ARPP21: variants seen among roughly 807,000 people sequenced by gnomAD.
ARPP21 encodes the protein cAMP regulated phosphoprotein 21.
Under a neutral mutation model 113.2 loss-of-function variants are expected in ARPP21, and 69 were observed. The observed-to-expected ratio is 0.61, with a 90% CI of 0.50 to 0.74. The LOEUF (loss-of-function observed/expected upper bound fraction) is 0.74, where lower values mean the gene tolerates loss of function less well. Among genes scored for constraint, ARPP21 ranks in the 30% least tolerant of loss-of-function variants. ARPP21 has a pLI of 0.00. For synonymous variants in ARPP21, 368 were observed against 375.5 expected, an observed-to-expected ratio of 0.98 and a Z score of 0.23; for missense variants, 1,070 against 1,037.4, an observed-to-expected ratio of 1.03 and a Z score of -0.43.
chr3:35,774,598 G>A (rs2096298539), intron 19 of ARPP21, among the ~76,000 whole-genome samples: 1 of 152,168 alleles, frequency 6.6e-6, no homozygotes. Context: ...TAAAGAATGA[G>A]TTACTCATCT....
chr3:35,648,844 CTATT>C (rs1313485249), intron 1 of ARPP21, among the ~76,000 whole-genome samples: 1 of 152,128 alleles, frequency 6.6e-6, no homozygotes, highest in Non-Finnish European at 1.5e-5. Context: ...GCCTAATCAA[CTATT>C]TATCCAATAA....
intron 1 of ARPP21, among the ~76,000 whole-genome samples, chr3:35,674,452 TG>T (rs778200882): frequency 5.3e-5 from 8 of 151,970 alleles, no homozygotes; most frequent in Admixed American, 1.3e-4. Context: ...ATTAAGGAGA[TG>T]TTTTTTTTTG....
rs999449834 is a variant in ARPP21, at chr3:35,685,251, A to G, written c.261+1436A>G. 7 of 985,172 alleles carry G rather than the reference A, an allele frequency of 7.1e-6. No individual in the cohort carries two copies. The African/African-American group carries it at 1.2e-4, about 17-fold the overall frequency. The allele number at this position is 985,172 out of a possible 1,614,324, so 61.0% of individuals were successfully genotyped here. ...CTCTGGACCTAAGTCTAGTGTATCC[A>G]TACAATTGGTGCAGAGAAATAAGGT... On this transcript the variant is annotated intron_variant, in intron 5 of 20. Coordinates refer to ENST00000684406, the MANE Select transcript of ARPP21 (RefSeq NM_001385562.1).
intron 14 of ARPP21, 86 bp downstream of exon 14, chr3:35,721,920 G>A: frequency 1.3e-6 from 1 of 791,892 alleles, no homozygotes; most frequent in East Asian, 2.7e-5. Flanking sequence ...CTGACTTTCA[G>A]TTGACTGATA....
intron 19 of ARPP21, 101 bp downstream of exon 19, chr3:35,744,066 G>C: frequency 2.4e-6 from 3 of 1,264,726 alleles, no homozygotes; most frequent in Non-Finnish European, 3.4e-6. Flanking sequence ...ATTTAAACCA[G>C]CACATTTTCT....
chr3:35,699,392 G>A (rs922473153), intron 9 of ARPP21, among the ~76,000 whole-genome samples: 10 of 151,548 alleles, frequency 6.6e-5, no homozygotes, highest in Admixed American at 2.6e-4. Context: ...ACTTTGGGAA[G>A]TTTTAGAGAA....
intron 9 of ARPP21, among the ~76,000 whole-genome samples, chr3:35,697,723 G>A (rs1207191753): frequency 2.0e-5 from 3 of 151,654 alleles, no homozygotes. Context: ...AGAGGCTAAA[G>A]CTGAAAATGG....
chr3:35,793,908 A>C lies in ARPP21; in HGVS notation c.2494A>C (p.Arg832=). 1 of 1,614,170 alleles carries C rather than the reference A, an allele frequency of 6.2e-7. No homozygotes were observed. Among genetic ancestry groups the C allele is most frequent in the Non-Finnish European group, 8.5e-7 (1 of 1,179,992 alleles). Residue 832 remains arginine (R), a synonymous_variant, in exon 21 of 21, where the codon AGA becomes CGA. Transcript: ENST00000684406. ...STVPVMSASC[R]TNCASMSNAG... ...TGTCCCAGTGATGTCAGCTAGCTGC[A>C]GAACAAACTGTGCAAGTATGAGCAA...
chr3:35,662,709 T>G (rs762022325), intron 1 of ARPP21, among the ~76,000 whole-genome samples: 34 of 152,160 alleles, frequency 2.2e-4, no homozygotes, highest in Non-Finnish European at 2.6e-4. Flanking sequence ...GGAAAGAGTG[T>G]GCTTGAGGTA....
chr3:35,649,351 C>A (rs1341833623), intron 1 of ARPP21, among the ~76,000 whole-genome samples: 1 of 152,092 alleles, frequency 6.6e-6, no homozygotes, highest in Non-Finnish European at 1.5e-5. Flanking sequence ...CAGACAATGA[C>A]TAGGGATTTT....
At chr3:35,772,621 A>G (rs1348842404) in intron 19 of ARPP21, among the ~76,000 whole-genome samples, 1 of 152,160 alleles carries the variant, frequency 6.6e-6, no homozygotes, top group Non-Finnish European at 1.5e-5. Flanking sequence ...CACATTCTCT[A>G]CCACATTTCC....
chr3:35,702,741 A>G lies in ARPP21; in HGVS notation c.687-4233A>G, dbSNP rs140783581. ...TGCACATATTAAGTTTATAAGGTAT[A>G]GTCTCATTTAAAAGAAAATGAGGTG... On this transcript the variant is annotated intron_variant, in intron 9 of 20. Transcript: ENST00000684406. Among the ~76,000 whole-genome samples the G allele has an allele frequency of 6.3e-3, 951 of 151,994 alleles. 15 individuals are homozygous for G. Among genetic ancestry groups the G allele is most frequent in the African/African-American group, 0.022 (897 of 41,524 alleles).
chr3:35,771,130 G>A (rs34100264), intron 19 of ARPP21, among the ~76,000 whole-genome samples: 2,996 of 152,132 alleles, frequency 0.02, 38 homozygotes, highest in Non-Finnish European at 0.029. Flanking sequence ...CTCTTTTGTC[G>A]AGTGCTATCT....
intron 15 of ARPP21, among the ~76,000 whole-genome samples, chr3:35,731,847 A>C (rs560031021): frequency 1.3e-5 from 2 of 152,290 alleles, no homozygotes; most frequent in Admixed American, 6.5e-5. Context: ...GGGTGTTAGG[A>C]ACCAAGATTG....
intron 1 of ARPP21, among the ~76,000 whole-genome samples, chr3:35,657,785 C>T (rs1705707638): frequency 6.6e-6 from 1 of 152,064 alleles, no homozygotes; most frequent in South Asian, 2.1e-4. Context: ...TCAAAGTAAT[C>T]TCCAAGCCCG....
At chr3:35,740,658 A>G (rs986940706) in intron 18 of ARPP21, among the ~76,000 whole-genome samples, 1 of 152,158 alleles carries the variant, frequency 6.6e-6, no homozygotes, top group African/African-American at 2.4e-5. Context: ...TTTACCAATA[A>G]ATTAATAACT....
At chr3:35,670,775 C>G (rs1479711220) in intron 1 of ARPP21, among the ~76,000 whole-genome samples, 8 of 152,084 alleles carry the variant, frequency 5.3e-5, no homozygotes, top group Non-Finnish European at 1.0e-4. Flanking sequence ...TGTTGTGAGG[C>G]TCCTGAAAAT....
chr3:35,736,503 T>C (rs1056169828), intron 15 of ARPP21, among the ~76,000 whole-genome samples: 8 of 152,194 alleles, frequency 5.3e-5, no homozygotes, highest in African/African-American at 1.9e-4. Context: ...CGAATAGCAG[T>C]ATTAATAATA....
chr3:35,679,354 C>A (rs1366466438), intron 1 of ARPP21, among the ~76,000 whole-genome samples: 1 of 151,706 alleles, frequency 6.6e-6, no homozygotes, highest in Non-Finnish European at 1.5e-5. Context: ...AAGAGAGAAA[C>A]CACATAAACA....
Sources: gnomAD v4.1 joint callset for allele counts (sites outside exome capture counted in the v4.1 genomes callset) on GRCh38, gnomAD v4.1.1 for gene constraint, MANE v1.5 for transcripts, NCBI Gene and HGNC (gene_info 2026-07-23, HGNC 2026-07-21) for gene names.